Variants in PRUNE2 observed in about 807,000 individuals in gnomAD.
PRUNE2 encodes prune homolog 2 with BCH domain.
Under a neutral mutation model 252.0 loss-of-function variants are expected in PRUNE2, and 164 were observed. The ratio of observed to expected loss-of-function variants is 0.65; its 90% CI spans 0.57 to 0.74. The LOEUF (loss-of-function observed/expected upper bound fraction) is 0.74, where lower values mean the gene tolerates loss of function less well. PRUNE2 is among the 30% of genes least tolerant of loss of function. The probability of loss-of-function intolerance (pLI) is 0.00; values close to 1 mark genes in which losing one functional copy is unlikely to be tolerated. For synonymous variants in PRUNE2, 1,292 were observed against 1,350.2 expected (o/e 0.96, Z 0.94); for missense variants, 3,495 against 3,711.0 (o/e 0.94, Z 1.51).
At chr9:76,836,092 T>A (rs1191698414) in intron 4 of PRUNE2, among the ~76,000 whole-genome samples, 1 of 152,004 alleles carries the variant, frequency 6.6e-6, no homozygotes, top group Non-Finnish European at 1.5e-5. Flanking sequence ...TGCCAGCTGG[T>A]TCCCAGAAAC....
At chr9:76,819,998 C>T (rs928789133) in intron 6 of PRUNE2, among the ~76,000 whole-genome samples, 1 of 152,116 alleles carries the variant, frequency 6.6e-6, no homozygotes, top group Non-Finnish European at 1.5e-5. Context: ...AACAAAAAGG[C>T]CACAAAGGAT....
chr9:76,805,524 G>A (rs2056874115), intron 6 of PRUNE2, among the ~76,000 whole-genome samples: 1 of 152,130 alleles, frequency 6.6e-6, no homozygotes, highest in African/African-American at 2.4e-5. Context: ...GAGCCTGGGA[G>A]GTCAAGGCTG....
intron 1 of PRUNE2, among the ~76,000 whole-genome samples, chr9:76,870,992 T>C (rs2061165729): frequency 6.6e-6 from 1 of 152,228 alleles, no homozygotes; most frequent in Non-Finnish European, 1.5e-5. Flanking sequence ...ATGTTGTTTT[T>C]CTGAGCCTGA....
At chr9:76,811,883 C>T (rs973236316) in intron 6 of PRUNE2, among the ~76,000 whole-genome samples, 3 of 152,134 alleles carry the variant, frequency 2.0e-5, no homozygotes, top group African/African-American at 7.2e-5. Flanking sequence ...TACGAAGTTA[C>T]TAGAAGGCAG....
rs369735308 is a variant in PRUNE2 at position 76,846,703 on chromosome 9, A to G, written c.345-25T>C. 6 of 1,598,786 alleles carry G rather than the reference A, an allele frequency of 3.8e-6. No homozygotes were observed. The South Asian group carries it at 5.5e-5, about 15-fold the overall frequency. On this transcript the variant is annotated intron_variant, in intron 3 of 18. Coordinates refer to ENST00000376718, the MANE Select transcript of PRUNE2 (RefSeq NM_015225.3). Reference sequence around the variant, plus strand: ...ACTGTAAAGCAAATGGAGGGGAGGAAGAGAAAGGGATATGGCATGTCTTAT... The same window carrying G: ...ACTGTAAAGCAAATGGAGGGGAGGAGGAGAAAGGGATATGGCATGTCTTAT...
intron 6 of PRUNE2, among the ~76,000 whole-genome samples, chr9:76,794,926 T>C (rs1424709170): frequency 6.6e-6 from 1 of 152,176 alleles, no homozygotes; most frequent in African/African-American, 2.4e-5. Flanking sequence ...TTATTATTAC[T>C]TGAATTATCA....
chr9:76,749,102 AAAG>A (rs2050387745), intron 6 of PRUNE2, among the ~76,000 whole-genome samples: 1 of 152,236 alleles, frequency 6.6e-6, no homozygotes, highest in South Asian at 2.1e-4. Context: ...AACAACAGCC[AAAG>A]AAGTTAGGAT....
intron 3 of PRUNE2, among the ~76,000 whole-genome samples, chr9:76,848,353 A>G (rs952671976): frequency 5.9e-5 from 9 of 152,328 alleles, no homozygotes; most frequent in African/African-American, 1.9e-4. Flanking sequence ...CAAATAAACT[A>G]CCCGGAACTT....
intron 1 of PRUNE2, among the ~76,000 whole-genome samples, chr9:76,896,110 GTT>G (rs113823275): frequency 0.18 from 27,360 of 152,038 alleles, 2,912 homozygotes; most frequent in African/African-American, 0.29. Context: ...TTTGATTTTG[GTT>G]TTGTTTGTGT....
At chr9:76,806,800 G>T (rs187167927) in intron 6 of PRUNE2, among the ~76,000 whole-genome samples, 4 of 151,674 alleles carry the variant, frequency 2.6e-5, no homozygotes, top group Admixed American at 6.6e-5. Flanking sequence ...TTACAGGCGT[G>T]AGCCACCGCA....
rs1564091090 is a variant in PRUNE2, at chr9:76,705,453, G to T, written c.6821C>A (p.Ser2274Tyr). 1.9e-6 allele frequency: 3 copies of T among 1,613,790 alleles called. No homozygotes were observed. Among genetic ancestry groups the T allele is most frequent in the Admixed American group, 3.3e-5 (2 of 60,004 alleles). The change falls in exon 8 of 19, where the codon TCC becomes TAC. Residue 2274 changes from serine to tyrosine, a missense_variant. By Grantham distance (144) the Ser-to-Tyr change is moderately radical. Coordinates refer to ENST00000376718, the MANE Select transcript of PRUNE2 (RefSeq NM_015225.3). ...RALFDGDPHL[S>Y]TENPALVPDA... Reference sequence around the variant, plus strand: ...AGGAACCAAGGCAGGATTCTCTGTGGATAAATGTGGATCACCATCAAACAA... The same window carrying T: ...AGGAACCAAGGCAGGATTCTCTGTGTATAAATGTGGATCACCATCAAACAA...
At chr9:76,871,921 G>A (rs1349738328) in intron 1 of PRUNE2, among the ~76,000 whole-genome samples, 4 of 144,108 alleles carry the variant, frequency 2.8e-5, no homozygotes, top group East Asian at 1.9e-4. Flanking sequence ...GAGCTACCAC[G>A]TCCAGCCTAG....
rs1407658772 is a variant in PRUNE2 at position 76,668,942 on chromosome 9, C to T, written c.8277-13440G>A. On this transcript the variant is annotated intron_variant, in intron 9 of 18. Coordinates refer to ENST00000376718, the MANE Select transcript of PRUNE2 (RefSeq NM_015225.3). ...GGTTGGTTTCTTCTGAGGCCTCTCT[C>T]CTGGACTTGAAGATGGCCATCTTCT... is the stretch of plus-strand genomic sequence containing the variant. 2.0e-5 allele frequency among the ~76,000 whole-genome samples: 3 copies of T among 150,824 alleles called. No individual in the cohort carries two copies. The East Asian group carries it at 5.9e-4, about 30-fold the overall frequency.
At chr9:76,826,909 C>G (rs753807392) in intron 4 of PRUNE2, among the ~76,000 whole-genome samples, 177 bp from the exon 5 acceptor site, 1 of 152,194 alleles carries the variant, frequency 6.6e-6, no homozygotes, top group Non-Finnish European at 1.5e-5. Context: ...ATTGAACCAT[C>G]ATCCAGCTTC....
At chr9:76,660,781 C>CAAA (rs11432174) in intron 9 of PRUNE2, among the ~76,000 whole-genome samples, 17 of 101,046 alleles carry the variant, frequency 1.7e-4, no homozygotes, top group African/African-American at 4.4e-4. Flanking sequence ...GACTCTGAAT[C>CAAA]AAAAAAAAAA....
intron 6 of PRUNE2, among the ~76,000 whole-genome samples, chr9:76,733,032 C>A (rs1199336610): frequency 1.3e-5 from 2 of 152,146 alleles, no homozygotes; most frequent in Admixed American, 6.5e-5. Context: ...TTTTAAATTT[C>A]TGAAAGTAGT....
intron 6 of PRUNE2, among the ~76,000 whole-genome samples, chr9:76,741,542 G>A (rs1358692788): frequency 3.3e-5 from 5 of 152,180 alleles, no homozygotes; most frequent in Non-Finnish European, 5.9e-5. Context: ...ACAAAAAGAA[G>A]AAGCAGAAAA....
intron 6 of PRUNE2, among the ~76,000 whole-genome samples, chr9:76,780,669 C>T (rs984146876): frequency 2.0e-5 from 3 of 152,074 alleles, no homozygotes; most frequent in African/African-American, 4.8e-5. Flanking sequence ...CCAGCCTGGG[C>T]GACAGAGCAA....
intron 18 of PRUNE2, among the ~76,000 whole-genome samples, chr9:76,618,901 C>T (rs1265083300): frequency 6.6e-6 from 1 of 152,188 alleles, no homozygotes; most frequent in Non-Finnish European, 1.5e-5. Flanking sequence ...ATAGATCATT[C>T]CTACAGTCTC....
Sources: allele counts gnomAD v4.1 joint callset (sites outside exome capture counted in the v4.1 genomes callset), GRCh38; gene constraint gnomAD v4.1.1; transcripts MANE v1.5; gene names NCBI Gene and HGNC (gene_info 2026-07-23, HGNC 2026-07-21).